The following CAMK4 variants were observed in gnomAD, a reference collection of about 807,000 sequenced individuals.
The protein encoded by CAMK4 is calcium/calmodulin-dependent protein kinase type IV.
In CAMK4, 22 loss-of-function variants were observed where a neutral mutation model predicts 44.9. That is an observed-to-expected ratio of 0.49 (90% confidence interval 0.35 to 0.70). The LOEUF (loss-of-function observed/expected upper bound fraction) is 0.70. Ranked by LOEUF, CAMK4 falls within the 30% of genes least tolerant of loss-of-function variation. The probability of loss-of-function intolerance (pLI) is 0.01; values close to 1 mark genes in which losing one functional copy is unlikely to be tolerated. For synonymous variants in CAMK4, 218 were observed against 215.4 expected (o/e 1.01, Z -0.11); for missense variants, 498 against 586.8 (o/e 0.85, Z 1.56).
At chr5:111,435,626 T>G (rs1173020968) in intron 5 of CAMK4, among the ~76,000 whole-genome samples, 2 of 152,198 alleles carry the variant, frequency 1.3e-5, no homozygotes, top group Non-Finnish European at 2.9e-5. Context: ...GGAGCTTCCC[T>G]TTTTACTTTT....
chr5:111,383,712 A>T (rs1182249959), intron 4 of CAMK4, among the ~76,000 whole-genome samples: 2 of 149,590 alleles, frequency 1.3e-5, no homozygotes, highest in Admixed American at 6.8e-5. Context: ...TGATCCACCC[A>T]CCTCGGCCTC....
At chr5:111,455,076 C>G (rs932148234) in intron 7 of CAMK4, among the ~76,000 whole-genome samples, 7 of 152,058 alleles carry the variant, frequency 4.6e-5, no homozygotes, top group Non-Finnish European at 7.4e-5. Flanking sequence ...TAAAAATGTC[C>G]CATGTGCTAA....
At chr5:111,330,662 C>A (rs987208060) in intron 1 of CAMK4, among the ~76,000 whole-genome samples, 1 of 151,442 alleles carries the variant, frequency 6.6e-6, no homozygotes, top group South Asian at 2.1e-4. Flanking sequence ...AATACTATAC[C>A]ATTTTATATA....
intron 5 of CAMK4, among the ~76,000 whole-genome samples, chr5:111,435,449 C>T (rs1033746477): frequency 1.3e-5 from 2 of 152,028 alleles, no homozygotes; most frequent in African/African-American, 4.8e-5. Context: ...TTTCAGCTTC[C>T]TCATCCTAGT....
rs1749760153 is a variant in CAMK4, at chr5:111,344,028, G to A, written c.166G>A (p.Ala56Thr). 1 of 1,593,822 alleles carries A rather than the reference G, an allele frequency of 6.3e-7. No individual in the cohort carries two copies. Among genetic ancestry groups the A allele is most frequent in the Non-Finnish European group, 8.6e-7 (1 of 1,163,694 alleles). Residue 56 changes from alanine to threonine, a missense_variant, in exon 2 of 11, where the codon GCT becomes ACT. By Grantham distance (58) the Ala-to-Thr change is moderately conservative. Coordinates refer to ENST00000282356, the MANE Select transcript of CAMK4 (RefSeq NM_001744.6). ...TTTGTCTTTTTCCCCCTCAAGGGGT[G>A]CTACATCCATTGTGTACAGATGCAA... ...FEVESELGRG[A>T]TSIVYRCKQK...
chr5:111,362,009 A>G lies in CAMK4; in HGVS notation c.241-12841A>G, dbSNP rs536505988. 2.0e-5 allele frequency among the ~76,000 whole-genome samples: 3 copies of G among 152,208 alleles called. No individual in the cohort carries two copies. In the South Asian group the frequency reaches 6.2e-4, roughly 32 times the overall value. ...TGTAGTGCCTTCTCTGTTAAGAATT[A>G]AAAAATTGGAAACAGAAGATTAGAA... On this transcript the variant is annotated intron_variant, in intron 2 of 10. Transcript: ENST00000282356.
intron 1 of CAMK4, among the ~76,000 whole-genome samples, chr5:111,229,526 C>G (rs968274836): frequency 2.6e-5 from 4 of 152,238 alleles, no homozygotes; most frequent in African/African-American, 9.6e-5. Flanking sequence ...CAGTCCACAG[C>G]ATGGCTGCTG....
intron 7 of CAMK4, among the ~76,000 whole-genome samples, chr5:111,463,561 T>C (rs1754715341): frequency 6.6e-6 from 1 of 152,150 alleles, no homozygotes; most frequent in South Asian, 2.1e-4. Flanking sequence ...TAAACAAATC[T>C]ACAACTAAGG....
chr5:111,293,423 C>T (rs1273655846), intron 1 of CAMK4, among the ~76,000 whole-genome samples: 6 of 151,132 alleles, frequency 4.0e-5, no homozygotes, highest in South Asian at 2.1e-4. Context: ...GCTTTTATGG[C>T]GGTGGTCTAC....
intron 1 of CAMK4, among the ~76,000 whole-genome samples, chr5:111,244,857 T>C (rs1445462700): frequency 6.6e-6 from 1 of 152,076 alleles, no homozygotes; most frequent in Non-Finnish European, 1.5e-5. Flanking sequence ...CGAGATTCTG[T>C]CTCAAAAAAT....
At chr5:111,311,223 A>G (rs1033234932) in intron 1 of CAMK4, among the ~76,000 whole-genome samples, 9 of 152,146 alleles carry the variant, frequency 5.9e-5, no homozygotes, top group African/African-American at 2.2e-4. Context: ...CAAAGCAAAA[A>G]GAAAAAAAAT....
chr5:111,393,333 A>G (rs1339085211), intron 4 of CAMK4, among the ~76,000 whole-genome samples: 1 of 152,214 alleles, frequency 6.6e-6, no homozygotes, highest in Non-Finnish European at 1.5e-5. Context: ...AATGCTATCC[A>G]TTAATAAAAA....
intron 5 of CAMK4, among the ~76,000 whole-genome samples, chr5:111,411,498 C>G (rs1363033634): frequency 6.6e-6 from 1 of 152,202 alleles, no homozygotes; most frequent in African/African-American, 2.4e-5. Flanking sequence ...GAAATAAATT[C>G]CGCATAGTCA....
Position 111,485,764 on chromosome 5 carries a change from G to A in CAMK4, c.*1298G>A, listed in dbSNP as rs1418861538. ...TTCAAATCAGACTCTTAAAAAGCTG[G>A]AACATTAGACCTGATATTTTATTAT... On this transcript the variant is annotated 3_prime_UTR_variant, in exon 11 of 11. Coordinates refer to ENST00000282356, the MANE Select transcript of CAMK4 (RefSeq NM_001744.6). The A allele has an allele frequency of 6.6e-6, 1 of 152,008 alleles. No homozygotes were observed. Among genetic ancestry groups the A allele is most frequent in the Non-Finnish European group, 1.5e-5 (1 of 67,984 alleles). 9.4% of individuals were successfully genotyped at this position (152,008 alleles called of 1,614,324 possible). A position where few individuals can be genotyped will look rare whatever the true frequency, so the allele number is the denominator to read the frequency against.
At chr5:111,371,490 T>G (rs1164178333) in intron 2 of CAMK4, among the ~76,000 whole-genome samples, 6 of 152,202 alleles carry the variant, frequency 3.9e-5, no homozygotes, top group Non-Finnish European at 7.4e-5. Context: ...CAAATTAGAT[T>G]GTAATCTTAC....
Position 111,367,628 on chromosome 5 carries a change from G to A in CAMK4, c.241-7222G>A, listed in dbSNP as rs543599618. ...AAGCATATGCCTAAAATTTCTGGCTGTTATAGCTACTTTTGGGTTTAAATG... is the reference window on the plus strand; with the variant it reads ...AAGCATATGCCTAAAATTTCTGGCTATTATAGCTACTTTTGGGTTTAAATG... On this transcript the variant is annotated intron_variant, in intron 2 of 10. Transcript: ENST00000282356. Among the ~76,000 whole-genome samples the A allele has an allele frequency of 3.5e-4, 54 of 152,222 alleles. No homozygotes were observed. The South Asian group carries it at 8.7e-3, about 25-fold the overall frequency.
chr5:111,247,620 G>A (rs931616540), intron 1 of CAMK4, among the ~76,000 whole-genome samples: 13 of 151,610 alleles, frequency 8.6e-5, no homozygotes, highest in Admixed American at 3.3e-4. Context: ...AGTCTGGAGC[G>A]GGAACTAATA....
intron 1 of CAMK4, among the ~76,000 whole-genome samples, chr5:111,315,586 T>C (rs1479318221): frequency 6.6e-6 from 1 of 152,192 alleles, no homozygotes; most frequent in African/African-American, 2.4e-5. Flanking sequence ...TTGTGGAAGA[T>C]TATGATCTTC....
At chr5:111,327,794 G>C (rs1471309034) in intron 1 of CAMK4, among the ~76,000 whole-genome samples, 2 of 149,974 alleles carry the variant, frequency 1.3e-5, no homozygotes, top group Non-Finnish European at 3.0e-5. Context: ...TCTTTTGGCT[G>C]CATAAATGTC....
Sources: gnomAD v4.1 joint callset for allele counts (sites outside exome capture counted in the v4.1 genomes callset) on GRCh38, gnomAD v4.1.1 for gene constraint, MANE v1.5 for transcripts, NCBI Gene and HGNC (gene_info 2026-07-23, HGNC 2026-07-21) for gene names.